FAM83A: variants seen among roughly 807,000 people sequenced by gnomAD.
FAM83A encodes the protein protein FAM83A.
In FAM83A, 21 loss-of-function variants were observed where a neutral mutation model predicts 24.4. That is an observed-to-expected ratio of 0.86 (90% CI 0.61 to 1.24). The LOEUF (loss-of-function observed/expected upper bound fraction) is 1.24, where lower values mean the gene tolerates loss of function less well. FAM83A is among the 50% of genes most tolerant of loss of function. The probability of loss-of-function intolerance (pLI) is 0.00; values close to 1 mark genes in which losing one functional copy is unlikely to be tolerated. For missense variants in FAM83A, 617 were observed against 579.8 expected, an observed-to-expected ratio of 1.06 and a Z score of -0.66; for synonymous variants, 270 against 252.4, an observed-to-expected ratio of 1.07 and a Z score of -0.66.
At chr8:123,184,973 G>A (rs1179322580) in intron 1 of FAM83A, among the ~76,000 whole-genome samples, 1 of 152,226 alleles carries the variant, frequency 6.6e-6, no homozygotes, top group East Asian at 1.9e-4. Context: ...CAAGGGTGAA[G>A]AGGCCATGTG....
At chr8:123,202,690 A>G in intron 3 of FAM83A, 1 of 152,648 alleles carries the variant, frequency 6.6e-6, no homozygotes, top group East Asian at 1.9e-4. Context: ...CAGTTTTTCA[A>G]ACTGTGCCTC....
intron 3 of FAM83A, among the ~76,000 whole-genome samples, chr8:123,200,996 C>CA (rs1207741603): frequency 4.1e-4 from 56 of 135,940 alleles, no homozygotes; most frequent in East Asian, 8.3e-4. Flanking sequence ...CACATATATA[C>CA]AAAAAAAAAA....
chr8:123,206,808 C>T (rs1004903608), intron 3 of FAM83A, among the ~76,000 whole-genome samples: 2 of 152,180 alleles, frequency 1.3e-5, no homozygotes, highest in African/African-American at 2.4e-5. Flanking sequence ...GGGCAGTGGG[C>T]ATGGGTTGGT....
chr8:123,204,717 C>T (rs369817320), intron 3 of FAM83A, among the ~76,000 whole-genome samples: 5 of 151,788 alleles, frequency 3.3e-5, no homozygotes, highest in East Asian at 3.9e-4. Flanking sequence ...GCCGAGATCG[C>T]GCCACTGCAC....
intron 3 of FAM83A, among the ~76,000 whole-genome samples, chr8:123,194,934 C>A (rs753900050): frequency 6.6e-6 from 1 of 152,162 alleles, no homozygotes; most frequent in African/African-American, 2.4e-5. Context: ...AATGACTGAC[C>A]ACCCATTTAT....
At chr8:123,197,884 C>T (rs766069473) in intron 3 of FAM83A, among the ~76,000 whole-genome samples, 1 of 152,190 alleles carries the variant, frequency 6.6e-6, no homozygotes, top group Non-Finnish European at 1.5e-5. Context: ...AATCCCAGCA[C>T]TTTGACAGGC....
In FAM83A at chr8:123,191,790, T is replaced by C. The variant is rs1240552733; in HGVS notation, c.481-13T>C. On this transcript the variant is annotated splice_polypyrimidine_tract_variant and intron_variant, in intron 1 of 3. Coordinates refer to ENST00000690554, the Ensembl canonical transcript of FAM83A. ...TGACCTTTCTGGTAACTGAGCACTC[T>C]GCCCTGGCCCAGGTCCTGGTCATCC... The C allele has an allele frequency of 6.2e-7, 1 of 1,612,958 alleles. No homozygotes were observed. Among genetic ancestry groups the C allele is most frequent in the Non-Finnish European group, 8.5e-7 (1 of 1,179,798 alleles).
At chr8:123,207,690 G>A in exon 4 of FAM83A, 1 of 1,480,330 alleles carries the variant, frequency 6.8e-7, no homozygotes. Flanking sequence ...CACTTCTGAA[G>A]GTCCCATCCC....
At chr8:123,205,578 T>C (rs1313425519) in intron 3 of FAM83A, among the ~76,000 whole-genome samples, 4 of 152,138 alleles carry the variant, frequency 2.6e-5, no homozygotes, top group African/African-American at 9.7e-5. Flanking sequence ...GGCCAGGCCT[T>C]TGGGTGGCAA....
chr8:123,182,954 A>C (rs1823653045), exon 1 of FAM83A: 1 of 1,607,136 alleles, frequency 6.2e-7, no homozygotes, highest in African/African-American at 1.3e-5. Context: ...AGTGACAACG[A>C]GAGTGCCCGG....
Position 123,209,660 on chromosome 8 carries a change from C to A in FAM83A, c.*1972C>A. 8.3e-7 allele frequency: 1 copy of A among 1,211,410 alleles called. No individual in the cohort carries two copies. Among genetic ancestry groups the A allele is most frequent in the Non-Finnish European group, 1.2e-6 (1 of 844,802 alleles). 75.0% of individuals were successfully genotyped at this position (1,211,410 alleles called of 1,614,324 possible). On this transcript the variant is annotated 3_prime_UTR_variant, in exon 4 of 4. Coordinates refer to ENST00000690554, the Ensembl canonical transcript of FAM83A. This position sits in a 1 kb window ranked among gnomAD's most constrained non-coding sequence, Gnocchi z 4.7. Reference sequence around the variant, plus strand: ...GCTCCCAAGCCCAGCTTTCCAAAGGCCTCAGCCTGTGCCTGTGTCGAGCTC... The same window carrying A: ...GCTCCCAAGCCCAGCTTTCCAAAGGACTCAGCCTGTGCCTGTGTCGAGCTC...
chr8:123,189,930 T>C (rs1256002205), intron 1 of FAM83A, among the ~76,000 whole-genome samples: 1 of 152,218 alleles, frequency 6.6e-6, no homozygotes, highest in Non-Finnish European at 1.5e-5. Context: ...ACATCCCCCA[T>C]CCTAACATGA....
intron 3 of FAM83A, among the ~76,000 whole-genome samples, chr8:123,195,168 A>T (rs778951646): frequency 6.6e-6 from 1 of 152,200 alleles, no homozygotes; most frequent in Non-Finnish European, 1.5e-5. Flanking sequence ...AGTGCAGAGG[A>T]GGGCAACTGG....
At chr8:123,199,653 G>T (rs1473029877) in intron 3 of FAM83A, among the ~76,000 whole-genome samples, 1 of 152,016 alleles carries the variant, frequency 6.6e-6, no homozygotes, top group Non-Finnish European at 1.5e-5. Flanking sequence ...AGAATAGCTT[G>T]AACCCAGGAG....
chr8:123,203,751 T>C (rs986886458), intron 3 of FAM83A, among the ~76,000 whole-genome samples: 2 of 149,954 alleles, frequency 1.3e-5, no homozygotes, highest in African/African-American at 4.9e-5. Flanking sequence ...AGCAGAAAAG[T>C]GGGTGGGAGA....
chr8:123,194,293 T>G (rs568887458), intron 3 of FAM83A, 145 bp downstream of exon 3: 1 of 1,188,790 alleles, frequency 8.4e-7, no homozygotes. Context: ...CTGCATCACA[T>G]AGATGGGGTG....
chr8:123,185,826 T>C (rs1167354071), intron 1 of FAM83A, among the ~76,000 whole-genome samples: 7 of 152,248 alleles, frequency 4.6e-5, no homozygotes. Context: ...AGTCTCACTC[T>C]GTCGCCCAGG....
chr8:123,210,006 TC>T, exon 4 of FAM83A: 1 of 177,426 alleles, frequency 5.6e-6, no homozygotes, highest in South Asian at 1.4e-4. Context: ...ATGAGCAGAA[TC>T]CCCCACTCCC....
intron 3 of FAM83A, among the ~76,000 whole-genome samples, chr8:123,205,124 TAAAAG>T (rs1358014048): frequency 6.6e-6 from 1 of 151,718 alleles, no homozygotes; most frequent in Admixed American, 6.6e-5. Context: ...AAAAAAATTT[TAAAAG>T]AAAAGAAAAA....
Sources: allele counts gnomAD v4.1 joint callset (sites outside exome capture counted in the v4.1 genomes callset), GRCh38; gene constraint gnomAD v4.1.1; non-coding constraint Gnocchi (gnomAD v3.1); transcripts MANE v1.5; gene names NCBI Gene and HGNC (gene_info 2026-07-23, HGNC 2026-07-21).